The following NTM variants were observed in gnomAD, a reference collection of about 807,000 sequenced individuals.
The protein encoded by NTM is neurotrimin.
NTM carries 13 observed loss-of-function variants against 42.1 expected under a neutral mutation model. That is an observed-to-expected ratio of 0.31 (90% CI 0.20 to 0.49). The LOEUF (loss-of-function observed/expected upper bound fraction) is 0.49. NTM is among the 20% of genes least tolerant of loss of function. The pLI is 0.99. For synonymous variants in NTM, 187 were observed against 179.2 expected (o/e 1.04, Z -0.35); for missense variants, 373 against 452.8 (o/e 0.82, Z 1.60).
Position 131,874,399 on chromosome 11 carries a change from C to CA in NTM, c.83-37158dup, listed in dbSNP as rs200522565. ...AATTTTTTTCAATTGTTTTTAAAAA[C>CA]AAAAAAACCAAGCAGCAGCAACAAC... is the stretch of plus-strand genomic sequence containing the variant. On this transcript the variant is annotated intron_variant, in intron 1 of 8. Coordinates refer to ENST00000683400, the MANE Select transcript of NTM (RefSeq NM_001352005.2). 9.5e-3 allele frequency among the ~76,000 whole-genome samples: 1,443 copies of CA among 151,726 alleles called. 25 individuals are homozygous for CA. The highest frequency in any genetic ancestry group is 0.033 in the African/African-American group (1,365 of 41,380).
At chr11:131,874,110 A>G (rs1208675785) in intron 1 of NTM, among the ~76,000 whole-genome samples, 2 of 134,052 alleles carry the variant, frequency 1.5e-5, no homozygotes, top group South Asian at 2.3e-4. Flanking sequence ...GGTTGCTTCA[A>G]TGTGAAAAGA....
chr11:131,712,613 A>T (rs1188279549), intron 1 of NTM, among the ~76,000 whole-genome samples: 5 of 146,292 alleles, frequency 3.4e-5, no homozygotes, highest in Admixed American at 6.8e-5. Flanking sequence ...GAGACAAGTG[A>T]TTTTTTTTTT....
At chr11:131,474,041 C>G (rs1952686955) in intron 1 of NTM, among the ~76,000 whole-genome samples, 1 of 152,150 alleles carries the variant, frequency 6.6e-6, no homozygotes, top group Non-Finnish European at 1.5e-5. Flanking sequence ...GTAGTTCACA[C>G]CCCCACTGTC....
intron 1 of NTM, among the ~76,000 whole-genome samples, chr11:131,826,408 T>C (rs1483577415): frequency 6.6e-6 from 1 of 151,604 alleles, no homozygotes; most frequent in Non-Finnish European, 1.5e-5. Context: ...AGGTAGATGA[T>C]ATGGGAGGGT....
At chr11:131,762,916 C>T (rs77677053) in intron 1 of NTM, among the ~76,000 whole-genome samples, 6,114 of 152,320 alleles carry the variant, frequency 0.04, 145 homozygotes, top group South Asian at 0.081. Flanking sequence ...CTGAGCGATG[C>T]CATGTGCTTA....
chr11:131,418,256 G>A (rs568442051), intron 1 of NTM, among the ~76,000 whole-genome samples: 170 of 152,332 alleles, frequency 1.1e-3, no homozygotes, highest in African/African-American at 4.0e-3. Flanking sequence ...TGGTATCAAA[G>A]CTGTGATGTT....
chr11:131,616,268 T>C (rs117920204), intron 1 of NTM, among the ~76,000 whole-genome samples: 2,421 of 152,292 alleles, frequency 0.016, 34 homozygotes, highest in Admixed American at 0.025. Flanking sequence ...CCTTTCTCCT[T>C]CCTCACCCAA....
At position 132,146,272 on chromosome 11, in the gene NTM, T is replaced by A. The variant is rs1409994597; in HGVS notation, c.168-10T>A. ...AGTCCCTTGACGTACCTGTCTGGTCTTCCCTTCAGGTGCACTATTGACAAC... is the reference window on the plus strand; with the variant it reads ...AGTCCCTTGACGTACCTGTCTGGTCATCCCTTCAGGTGCACTATTGACAAC... On this transcript the variant is annotated splice_polypyrimidine_tract_variant and intron_variant, in intron 2 of 8. Coordinates refer to ENST00000683400, the MANE Select transcript of NTM (RefSeq NM_001352005.2). The surrounding 1 kb of genome is among the most constrained non-coding windows in gnomAD (Gnocchi z 4.5). 3.7e-6 allele frequency: 6 copies of A among 1,614,004 alleles called. No individual in the cohort carries two copies.
intron 4 of NTM, among the ~76,000 whole-genome samples, chr11:132,298,320 ATTTT>A (rs1181361971): frequency 6.6e-6 from 1 of 151,824 alleles, no homozygotes; most frequent in Non-Finnish European, 1.5e-5. Context: ...AAGCTGATTT[ATTTT>A]TTTATTTTTA....
At chr11:131,918,860 T>A (rs1414829263) in intron 2 of NTM, among the ~76,000 whole-genome samples, 1 of 152,218 alleles carries the variant, frequency 6.6e-6, no homozygotes, top group Non-Finnish European at 1.5e-5. Flanking sequence ...CACAGAATCC[T>A]GCAATTTCTA....
At chr11:131,989,862 A>G (rs887460861) in intron 2 of NTM, among the ~76,000 whole-genome samples, 1 of 152,106 alleles carries the variant, frequency 6.6e-6, no homozygotes, top group Non-Finnish European at 1.5e-5. Context: ...ATGCTCTTAA[A>G]GCTTTTGTTT....
intron 1 of NTM, among the ~76,000 whole-genome samples, chr11:131,576,721 C>A (rs946244747): frequency 1.3e-5 from 2 of 152,198 alleles, no homozygotes; most frequent in African/African-American, 4.8e-5. Context: ...CATCTGCCTG[C>A]ATCAAATTTG....
chr11:132,010,617 CTT>C (rs71067351), intron 2 of NTM, among the ~76,000 whole-genome samples: 1 of 146,920 alleles, frequency 6.8e-6, no homozygotes, highest in African/African-American at 2.5e-5. Flanking sequence ...TTTCTACTGT[CTT>C]TTTTTTTTTC....
intron 1 of NTM, among the ~76,000 whole-genome samples, chr11:131,645,648 T>A (rs187250282): frequency 1.8e-3 from 276 of 152,312 alleles, no homozygotes; most frequent in Middle Eastern, 3.4e-3. Flanking sequence ...TACGCCTTTA[T>A]GTCCATTTTT....
chr11:132,198,189 A>G (rs2080580782), intron 3 of NTM, among the ~76,000 whole-genome samples: 1 of 152,168 alleles, frequency 6.6e-6, no homozygotes, highest in African/African-American at 2.4e-5. Context: ...TCTGAAACAT[A>G]TGTCTGTTTA....
intron 1 of NTM, among the ~76,000 whole-genome samples, chr11:131,567,763 C>T (rs1008985393): frequency 1.3e-5 from 2 of 152,196 alleles, no homozygotes; most frequent in Middle Eastern, 3.2e-3. Flanking sequence ...AATTATTTCA[C>T]AAAGATGCTA....
chr11:132,219,223 A>G (rs374410806), intron 4 of NTM, among the ~76,000 whole-genome samples: 8 of 152,038 alleles, frequency 5.3e-5, no homozygotes, highest in African/African-American at 1.9e-4. Flanking sequence ...GCCTCTGGTG[A>G]CTTTCTTCAG....
At chr11:131,890,481 A>G (rs1208251505) in intron 1 of NTM, among the ~76,000 whole-genome samples, 1 of 152,232 alleles carries the variant, frequency 6.6e-6, no homozygotes, top group Admixed American at 6.5e-5. Flanking sequence ...CGTTGTTTAC[A>G]GTAGAGGAGA....
intron 1 of NTM, among the ~76,000 whole-genome samples, chr11:131,480,283 C>G (rs1291383791): frequency 6.6e-6 from 1 of 152,048 alleles, no homozygotes; most frequent in African/African-American, 2.4e-5. Context: ...ATTGATGTAC[C>G]AGCACAATGC....
Sources: allele counts gnomAD v4.1 joint callset (sites outside exome capture counted in the v4.1 genomes callset), GRCh38; gene constraint gnomAD v4.1.1; non-coding constraint Gnocchi (gnomAD v3.1); transcripts MANE v1.5; gene names NCBI Gene and HGNC (gene_info 2026-07-23, HGNC 2026-07-21).